The following NXPH1 variants were observed in gnomAD, a reference collection of about 807,000 sequenced individuals.
The protein encoded by NXPH1 is neurexophilin-1.
NXPH1 carries 5 observed loss-of-function variants against 23.7 expected under a neutral mutation model. The ratio of observed to expected loss-of-function variants is 0.21; its 90% CI spans 0.11 to 0.44. The LOEUF is 0.44. Among genes scored for constraint, NXPH1 ranks in the 20% least tolerant of loss-of-function variants. The pLI is 0.99. For synonymous variants in NXPH1, 144 were observed against 122.2 expected, an observed-to-expected ratio of 1.18 and a Z score of -1.18; for missense variants, 324 against 321.6, an observed-to-expected ratio of 1.01 and a Z score of -0.06.
At position 8,600,715 on chromosome 7, in the gene NXPH1, G is replaced by A. The variant is rs528798385; in HGVS notation, c.55-150293G>A. On this transcript the variant is annotated intron_variant, in intron 2 of 2. Transcript: ENST00000405863. The stretch of plus-strand genomic sequence containing the variant: ...CTCTATTACTTATGATTGACTTTTG[G>A]TTTCACAAGAGTATTTAAATTTTAT... Among the ~76,000 whole-genome samples the A allele has an allele frequency of 2.0e-5, 3 of 152,142 alleles. No individual in the cohort carries two copies. In the East Asian group the frequency reaches 5.8e-4, roughly 29 times the overall value.
intron 2 of NXPH1, among the ~76,000 whole-genome samples, chr7:8,738,104 A>T (rs1780293438): frequency 6.6e-6 from 1 of 151,980 alleles, no homozygotes; most frequent in African/African-American, 2.4e-5. Context: ...GGGGGAGTTT[A>T]CTATTACCAA....
At chr7:8,507,180 TA>T (rs1817541705) in intron 2 of NXPH1, among the ~76,000 whole-genome samples, 2 of 151,626 alleles carry the variant, frequency 1.3e-5, no homozygotes, top group Admixed American at 1.3e-4. Flanking sequence ...CTATGGGTTA[TA>T]TTTGGGGGTG....
intron 2 of NXPH1, among the ~76,000 whole-genome samples, chr7:8,716,551 G>C (rs1779881680): frequency 1.3e-5 from 2 of 152,110 alleles, no homozygotes; most frequent in African/African-American, 4.8e-5. Flanking sequence ...TTCCACCTCT[G>C]CATTACCAAA....
At chr7:8,477,585 A>G (rs1216833193) in intron 2 of NXPH1, among the ~76,000 whole-genome samples, 1 of 152,108 alleles carries the variant, frequency 6.6e-6, no homozygotes, top group Non-Finnish European at 1.5e-5. Context: ...TAATTTTCTC[A>G]CAAGTCTTAA....
intron 2 of NXPH1, among the ~76,000 whole-genome samples, chr7:8,503,797 G>A (rs756606068): frequency 2.0e-5 from 3 of 151,866 alleles, no homozygotes; most frequent in African/African-American, 2.4e-5. Context: ...TTTAAGGTCC[G>A]GTTCATCCGG....
chr7:8,438,054 T>C (rs947295596), intron 2 of NXPH1, among the ~76,000 whole-genome samples: 2 of 152,230 alleles, frequency 1.3e-5, no homozygotes. Flanking sequence ...ATCCCATGGA[T>C]ATTTGCCAGC....
intron 2 of NXPH1, among the ~76,000 whole-genome samples, chr7:8,741,333 C>T (rs965431407): frequency 6.6e-6 from 1 of 151,986 alleles, no homozygotes; most frequent in Non-Finnish European, 1.5e-5. Context: ...TATATCTTGG[C>T]AATTGTGAAT....
At chr7:8,558,391 TA>T (rs1818393776) in intron 2 of NXPH1, among the ~76,000 whole-genome samples, 1 of 151,666 alleles carries the variant, frequency 6.6e-6, no homozygotes, top group African/African-American at 2.4e-5. Flanking sequence ...CTTGAAGAGT[TA>T]GAGCAGCTGG....
chr7:8,625,660 C>G (rs1335467684), intron 2 of NXPH1, among the ~76,000 whole-genome samples: 1 of 152,094 alleles, frequency 6.6e-6, no homozygotes, highest in Admixed American at 6.6e-5. Flanking sequence ...TTTCTCAGAA[C>G]TTTTACCAGA....
intron 2 of NXPH1, among the ~76,000 whole-genome samples, chr7:8,506,692 T>C (rs947281406): frequency 3.3e-5 from 5 of 151,926 alleles, no homozygotes; most frequent in African/African-American, 1.2e-4. Flanking sequence ...GGAGGTGATG[T>C]TTGAGATAAG....
At chr7:8,463,297 T>C (rs900909840) in intron 2 of NXPH1, among the ~76,000 whole-genome samples, 1 of 148,474 alleles carries the variant, frequency 6.7e-6, no homozygotes, top group Non-Finnish European at 1.5e-5. Flanking sequence ...AAATGTATCT[T>C]TTTTTTTTTC....
At chr7:8,704,517 C>T (rs934001889) in intron 2 of NXPH1, among the ~76,000 whole-genome samples, 26 of 152,072 alleles carry the variant, frequency 1.7e-4, no homozygotes, top group African/African-American at 5.1e-4. Flanking sequence ...GGAGATGCTG[C>T]CAATGAGATA....
intron 2 of NXPH1, among the ~76,000 whole-genome samples, chr7:8,536,457 C>G (rs1818027657): frequency 6.6e-6 from 1 of 151,970 alleles, no homozygotes. Flanking sequence ...ACTCTGGTAA[C>G]TGAAGTCACG....
intron 2 of NXPH1, among the ~76,000 whole-genome samples, chr7:8,691,720 G>GT (rs1562456083): frequency 6.6e-6 from 1 of 152,122 alleles, no homozygotes; most frequent in Non-Finnish European, 1.5e-5. Context: ...GTTATCACCA[G>GT]ATGTTCCAGG....
At chr7:8,695,425 GT>G (rs951913809) in intron 2 of NXPH1, among the ~76,000 whole-genome samples, 6 of 151,818 alleles carry the variant, frequency 4.0e-5, no homozygotes, top group African/African-American at 7.3e-5. Context: ...GAGTTATTAT[GT>G]TTTTTTTCCT....
At chr7:8,521,460 A>G (rs1465866980) in intron 2 of NXPH1, among the ~76,000 whole-genome samples, 2 of 152,158 alleles carry the variant, frequency 1.3e-5, no homozygotes, top group Non-Finnish European at 1.5e-5. Flanking sequence ...TTCTGGGCCA[A>G]GGCATTGAAT....
In NXPH1 at chr7:8,691,154, A is replaced by AT. The variant is rs897924194; in HGVS notation, c.55-59846dup. 5.3e-5 allele frequency among the ~76,000 whole-genome samples: 8 copies of AT among 151,492 alleles called. No homozygotes were observed. The East Asian group carries it at 9.7e-4, about 18-fold the overall frequency. ...TTTTAGAACTTCTTTATTTTATTTT[A>AT]TTTTTTTTGAGATGGAGTTTTACTC... On this transcript the variant is annotated intron_variant, in intron 2 of 2. Coordinates refer to ENST00000405863, the MANE Select transcript of NXPH1 (RefSeq NM_152745.3).
chr7:8,464,839 A>C (rs1257073475), intron 2 of NXPH1, among the ~76,000 whole-genome samples: 4 of 152,102 alleles, frequency 2.6e-5, no homozygotes, highest in East Asian at 1.9e-4. Context: ...CAGGTGTATC[A>C]CTCATTGGGA....
chr7:8,635,483 G>C (rs1161602667), intron 2 of NXPH1, among the ~76,000 whole-genome samples: 1 of 152,094 alleles, frequency 6.6e-6, no homozygotes, highest in Admixed American at 6.5e-5. Flanking sequence ...CTTAGTGATT[G>C]GTTTCTGGTA....
Sources: gnomAD v4.1 joint callset for allele counts (sites outside exome capture counted in the v4.1 genomes callset) on GRCh38, gnomAD v4.1.1 for gene constraint, MANE v1.5 for transcripts, NCBI Gene and HGNC (gene_info 2026-07-23, HGNC 2026-07-21) for gene names.